Variants in TPTE2 observed in about 807,000 individuals in gnomAD.
TPTE2 encodes the protein transmembrane phosphoinositide 3-phosphatase and tensin homolog 2.
TPTE2 carries 53 observed loss-of-function variants against 78.6 expected under a neutral mutation model. The ratio of observed to expected loss-of-function variants is 0.67; its 90% CI spans 0.54 to 0.85. The LOEUF (loss-of-function observed/expected upper bound fraction) is 0.85. Among genes scored for constraint, TPTE2 ranks in the 40% least tolerant of loss-of-function variants. The probability of loss-of-function intolerance (pLI) is 0.00; values close to 1 mark genes in which losing one functional copy is unlikely to be tolerated. For missense variants in TPTE2, 461 were observed against 623.0 expected (o/e 0.74, Z 2.77); for synonymous variants, 175 against 206.2 (o/e 0.85, Z 1.30).
upstream of TPTE2, among the ~76,000 whole-genome samples, chr13:19,506,265 A>G (rs1431282395): frequency 3.2e-4 from 40 of 124,800 alleles, 1 homozygote; most frequent in South Asian, 2.8e-3. Context: ...TCCACCTCCC[A>G]GGTTCACGCC....
upstream of TPTE2, among the ~76,000 whole-genome samples, chr13:19,504,228 A>G: frequency 1.3e-5 from 2 of 152,166 alleles, 1 homozygote; most frequent in Non-Finnish European, 2.9e-5. Flanking sequence ...TTACAATTGA[A>G]GGAAGCACAA....
At chr13:19,503,260 A>G in exon 1 of TPTE2, 1 of 1,612,318 alleles carries the variant, frequency 6.2e-7, no homozygotes, top group Non-Finnish European at 8.5e-7. Flanking sequence ...CACTCCTGAT[A>G]ATTCATTTGT....
intron 14 of TPTE2, among the ~76,000 whole-genome samples, chr13:19,436,556 G>A (rs1301176311): frequency 6.6e-6 from 1 of 152,084 alleles, no homozygotes; most frequent in African/African-American, 2.4e-5. Flanking sequence ...GGGACTACAG[G>A]TGTGTACCAC....
chr13:19,511,860 A>T lies in TPTE2; in HGVS notation c.-43-8583T>A, dbSNP rs974649155. Among the ~76,000 whole-genome samples the T allele has an allele frequency of 4.0e-3, 548 of 136,652 alleles. 5 individuals are homozygous for T. Among genetic ancestry groups the T allele is most frequent in the South Asian group, 8.8e-3 (40 of 4,538 alleles). 89.6% of individuals were successfully genotyped at this position (136,652 alleles called of 152,430 possible). A position where few individuals can be genotyped will look rare whatever the true frequency, so the allele number is the denominator to read the frequency against. ...TAAACACAGAAAAACCACTTTTTTTAAAAAAAAAATCACCATTTTGTAATG... is the reference window on the plus strand; with the variant it reads ...TAAACACAGAAAAACCACTTTTTTTTAAAAAAAAATCACCATTTTGTAATG... On this transcript the variant is annotated intron_variant, in intron 1 of 17. Coordinates refer to the TPTE2 transcript ENST00000390680.
At chr13:19,510,329 C>G (rs1869349957) in intron 1 of TPTE2, among the ~76,000 whole-genome samples, 1 of 152,064 alleles carries the variant, frequency 6.6e-6, no homozygotes, top group Admixed American at 6.5e-5. Flanking sequence ...AGCCTGATGC[C>G]AACATCTGCT....
At chr13:19,561,206 G>A in the TPTE2 span, 1 of 1,479,584 alleles carries the variant, frequency 6.8e-7, no homozygotes, top group Non-Finnish European at 9.3e-7. Context: ...TGTCAGGCCT[G>A]GCCGGCTCTG....
At chr13:19,434,751 T>C (rs1876946010) in intron 15 of TPTE2, among the ~76,000 whole-genome samples, 7 of 152,116 alleles carry the variant, frequency 4.6e-5, no homozygotes, top group Admixed American at 4.6e-4. Context: ...AAAGAAAAAC[T>C]CATTTACAGC....
chr13:19,482,114 T>C (rs1880392394), intron 4 of TPTE2, among the ~76,000 whole-genome samples: 2 of 152,068 alleles, frequency 1.3e-5, no homozygotes, highest in African/African-American at 4.8e-5. Context: ...TATTTGCTCA[T>C]AGGGAAAATC....
Position 19,424,945 on chromosome 13 carries a change from A to C in TPTE2, c.1466+2T>G, listed in dbSNP as rs1393245046. On this transcript the variant is annotated splice_donor_variant, in intron 19 of 19. Coordinates refer to ENST00000400230, the Ensembl canonical transcript of TPTE2. LOFTEE classifies it high-confidence loss of function. Reference sequence around the variant, plus strand: ...TTCTATGGGTTTCTATTATATTCATACCTGTTATTTTGAATAAAAGACGTG... The same window carrying C: ...TTCTATGGGTTTCTATTATATTCATCCCTGTTATTTTGAATAAAAGACGTG... 1.4e-6 allele frequency: 2 copies of C among 1,480,428 alleles called. No homozygotes were observed. The allele number at this position is 1,480,428 out of a possible 1,614,324, so 91.7% of individuals were successfully genotyped here.
chr13:19,429,692 A>T (rs1008964830), intron 17 of TPTE2, among the ~76,000 whole-genome samples: 1 of 152,204 alleles, frequency 6.6e-6, no homozygotes, highest in African/African-American at 2.4e-5. Context: ...AGCCGGGGGC[A>T]GAGTCGGGAG....
rs756109612 is a variant in TPTE2, at chr13:19,432,493, A to G, written c.1202T>C (p.Phe401Ser). The change falls in exon 16 of 20, where the codon TTC becomes TCC. Residue 401 changes from phenylalanine to serine, a missense_variant. Physicochemically the swap from Phe to Ser is radical, Grantham distance 155. Transcript: ENST00000400230. ...CTTACCACGAATCGAATAAATAATG[A>G]ATCTTTTTATAAAGAGTATCCGTCT... is the stretch of plus-strand genomic sequence containing the variant. 2.5e-6 allele frequency: 4 copies of G among 1,603,414 alleles called. No individual in the cohort carries two copies. The South Asian group carries it at 4.5e-5, about 18-fold the overall frequency.
chr13:19,495,619 C>G (rs1397761316), intron 1 of TPTE2, among the ~76,000 whole-genome samples: 1 of 152,206 alleles, frequency 6.6e-6, no homozygotes, highest in African/African-American at 2.4e-5. Flanking sequence ...TAGCCCAACT[C>G]TCTCTTGTGT....
rs1593426537 is a variant in TPTE2 at position 19,535,361 on chromosome 13, G to T, written c.-44+1235C>A. Among the ~76,000 whole-genome samples, 1 of 151,896 alleles carries T rather than the reference G, an allele frequency of 6.6e-6. No homozygotes were observed. Among genetic ancestry groups the T allele is most frequent in the Admixed American group, 6.6e-5 (1 of 15,252 alleles). ...TGTGGAGGTATCATCATCTTCCAAA[G>T]CTATCTACAAAAAGGGACAATGTCA... On this transcript the variant is annotated intron_variant, in intron 1 of 17. Transcript: ENST00000390680. The surrounding 1 kb of genome is among the most constrained non-coding windows in gnomAD (Gnocchi z 5.1).
chr13:19,429,836 T>C (rs1289812049), intron 17 of TPTE2, among the ~76,000 whole-genome samples: 1 of 152,118 alleles, frequency 6.6e-6, no homozygotes, highest in Non-Finnish European at 1.5e-5. Context: ...GTTTTAGGCA[T>C]TTCTTCATTG....
At chr13:19,471,186 G>T (rs1879591325) in intron 6 of TPTE2, among the ~76,000 whole-genome samples, 1 of 152,112 alleles carries the variant, frequency 6.6e-6, no homozygotes, top group Non-Finnish European at 1.5e-5. Flanking sequence ...GGGATTACAG[G>T]CGTGAACCAC....
At chr13:19,427,281 C>T (rs1293131430) in intron 17 of TPTE2, among the ~76,000 whole-genome samples, 1 of 151,454 alleles carries the variant, frequency 6.6e-6, no homozygotes, top group East Asian at 2.0e-4. Flanking sequence ...GACGGGGTTT[C>T]ACCATGTTGG....
chr13:19,511,724 A>G (rs900332859), intron 1 of TPTE2, among the ~76,000 whole-genome samples: 1 of 152,160 alleles, frequency 6.6e-6, no homozygotes, highest in African/African-American at 2.4e-5. Flanking sequence ...AAAATAAATA[A>G]TGACAGGAAG....
At chr13:19,454,524 T>C (rs1356586599) in intron 10 of TPTE2, among the ~76,000 whole-genome samples, 3 of 152,186 alleles carry the variant, frequency 2.0e-5, no homozygotes. Context: ...CTGGCAAAGA[T>C]GAAAGATTAA....
chr13:19,514,066 G>T (rs1041414102), intron 1 of TPTE2, among the ~76,000 whole-genome samples: 1 of 152,036 alleles, frequency 6.6e-6, no homozygotes, highest in African/African-American at 2.4e-5. Context: ...TTGCTGCTGA[G>T]GGCTCCTTTG....
Sources: gnomAD v4.1 joint callset for allele counts (sites outside exome capture counted in the v4.1 genomes callset) on GRCh38, gnomAD v4.1.1 for gene constraint, Gnocchi (gnomAD v3.1) non-coding constraint, MANE v1.5 for transcripts, NCBI Gene and HGNC (gene_info 2026-07-23, HGNC 2026-07-21) for gene names.